The following JAKMIP1 variants were observed in gnomAD, a reference collection of about 807,000 sequenced individuals.
JAKMIP1 encodes the protein janus kinase and microtubule-interacting protein 1.
A neutral mutation model predicts 113.0 loss-of-function variants in JAKMIP1; 33 were observed. That is an observed-to-expected ratio of 0.29 (90% CI 0.22 to 0.39). The LOEUF (loss-of-function observed/expected upper bound fraction) is 0.39. Among genes scored for constraint, JAKMIP1 ranks in the 10% least tolerant of loss-of-function variants. The pLI, the probability that JAKMIP1 is intolerant of heterozygous loss-of-function variation, is 1.00. For missense variants in JAKMIP1, 813 were observed against 1,080.5 expected (o/e 0.75, Z 3.47); for synonymous variants, 480 against 459.9 (o/e 1.04, Z -0.56).
Position 6,183,506 on chromosome 4 carries a change from A to AAATAAATAAATAAATAAATAAATT in JAKMIP1, c.-148+16746_-148+16747insAATTTATTTATTTATTTATTTATT, listed in dbSNP as rs1239214147. Among the ~76,000 whole-genome samples, 96 of 151,270 alleles carry AAATAAATAAATAAATAAATAAATT rather than the reference A, an allele frequency of 6.3e-4. No individual in the cohort carries two copies. Among genetic ancestry groups the AAATAAATAAATAAATAAATAAATT allele is most frequent in the East Asian group, 5.6e-3 (29 of 5,166 alleles). On this transcript the variant is annotated intron_variant, in intron 1 of 20. Transcript: ENST00000409021. The surrounding 1 kb of genome is among the most constrained non-coding windows in gnomAD (Gnocchi z 5.3). ...TAAATAAATAAATAAATAAATAAAT[A>AAATAAATAAATAAATAAATAAATT]AATTTAAAAAAGAAAGTAAAATGGA...
rs1726426507 is a variant in JAKMIP1, at chr4:6,184,597, T to C, written c.-148+15656A>G. Among the ~76,000 whole-genome samples the C allele has an allele frequency of 6.6e-6, 1 of 152,170 alleles. No homozygotes were observed. Among genetic ancestry groups the C allele is most frequent in the Non-Finnish European group, 1.5e-5 (1 of 68,016 alleles). ...ACGGGAAGAGCTGCTGTCTGCACTCTAGGAAACAAGGGTCCCCCGCGCTCA... is the reference window on the plus strand; with the variant it reads ...ACGGGAAGAGCTGCTGTCTGCACTCCAGGAAACAAGGGTCCCCCGCGCTCA... On this transcript the variant is annotated intron_variant, in intron 1 of 20. Transcript: ENST00000409021. This position sits in a 1 kb window ranked among gnomAD's most constrained non-coding sequence, Gnocchi z 4.5.
chr4:6,043,595 C>A (rs59609222), intron 16 of JAKMIP1, among the ~76,000 whole-genome samples: 21,475 of 151,684 alleles, frequency 0.14, 2,682 homozygotes, highest in African/African-American at 0.34. Flanking sequence ...GGGAAGAGTG[C>A]CCCCTCCTTC....
intron 8 of JAKMIP1, among the ~76,000 whole-genome samples, chr4:6,074,177 G>A (rs1719370420): frequency 6.6e-6 from 1 of 152,248 alleles, no homozygotes; most frequent in Non-Finnish European, 1.5e-5. Context: ...CAGAGTCATG[G>A]CCCTCAGGGA....
intron 1 of JAKMIP1, among the ~76,000 whole-genome samples, chr4:6,117,794 A>C (rs1484680973): frequency 6.6e-6 from 1 of 152,186 alleles, no homozygotes; most frequent in East Asian, 1.9e-4. Context: ...CATGCTGAGA[A>C]AAGGAATTCA....
At chr4:6,114,276 C>T (rs927015097) in intron 1 of JAKMIP1, among the ~76,000 whole-genome samples, 2 of 152,142 alleles carry the variant, frequency 1.3e-5, no homozygotes, top group Admixed American at 6.5e-5. Flanking sequence ...AGAGAAAGCA[C>T]CAGGGAGGCT....
chr4:6,032,268 C>A (rs575620362), intron 19 of JAKMIP1, among the ~76,000 whole-genome samples: 2 of 152,198 alleles, frequency 1.3e-5, no homozygotes, highest in African/African-American at 4.8e-5. Flanking sequence ...CCAGGAACAA[C>A]TTCTGGGCTT....
chr4:6,104,406 C>T (rs1042166334), intron 3 of JAKMIP1, among the ~76,000 whole-genome samples: 3 of 152,130 alleles, frequency 2.0e-5, no homozygotes, highest in Non-Finnish European at 4.4e-5. Flanking sequence ...TGAATTGACC[C>T]TTTATTATTA....
intron 1 of JAKMIP1, among the ~76,000 whole-genome samples, chr4:6,196,656 T>C (rs1727877213): frequency 1.3e-5 from 2 of 152,052 alleles, no homozygotes; most frequent in African/African-American, 2.4e-5. Context: ...GTCAGGAGTT[T>C]GAGACCAGCC....
Position 6,060,433 on chromosome 4 carries a change from C to T in JAKMIP1, c.1635G>A (p.Glu545=). The part of the protein sequence containing the change: ...KIEDLEKLLV[E]KGQDSKWVEE... The stretch of plus-strand genomic sequence containing the variant: ...GATCACTCCTGCTCACCTGTCCCTT[C>T]TCAACCAGTAACTTCTCCAAATCTT... Residue 545 remains glutamate (E), a synonymous_variant, in exon 11 of 21, where the codon GAG becomes GAA. Transcript: ENST00000409021. The T allele has an allele frequency of 1.2e-6, 2 of 1,613,174 alleles. No homozygotes were observed. The highest frequency in any genetic ancestry group is 1.1e-5 in the South Asian group (1 of 91,060).
chr4:6,034,371 G>A (rs1362698323), intron 19 of JAKMIP1, among the ~76,000 whole-genome samples: 1 of 152,130 alleles, frequency 6.6e-6, no homozygotes, highest in South Asian at 2.1e-4. Context: ...CAGTGTCTGT[G>A]TTTTCAGCTT....
chr4:6,057,856 C>T (rs544544219), intron 11 of JAKMIP1, among the ~76,000 whole-genome samples: 20 of 152,304 alleles, frequency 1.3e-4, no homozygotes, highest in African/African-American at 4.8e-4. Context: ...GGCTTGCCCC[C>T]AAACCATGGG....
In JAKMIP1 at chr4:6,168,700, G is replaced by A. The variant is rs1723959016; in HGVS notation, c.-148+31553C>T. On this transcript the variant is annotated intron_variant, in intron 1 of 20. Transcript: ENST00000409021. This position sits in a 1 kb window ranked among gnomAD's most constrained non-coding sequence, Gnocchi z 4.6. Reference sequence around the variant, plus strand: ...GAGTCCAAGAGTCCAAGACCAGCTTGGACAGGATGGCAAATCCATGTCTCT... The same window carrying A: ...GAGTCCAAGAGTCCAAGACCAGCTTAGACAGGATGGCAAATCCATGTCTCT... 6.6e-6 allele frequency among the ~76,000 whole-genome samples: 1 copy of A among 151,952 alleles called. No homozygotes were observed. Among genetic ancestry groups the A allele is most frequent in the Non-Finnish European group, 1.5e-5 (1 of 67,990 alleles).
At chr4:6,118,929 T>C (rs1716275501) in intron 1 of JAKMIP1, among the ~76,000 whole-genome samples, 1 of 152,196 alleles carries the variant, frequency 6.6e-6, no homozygotes, top group Admixed American at 6.5e-5. Flanking sequence ...CATCCTGCAG[T>C]AGGATGAAGT....
chr4:6,160,017 CAAG>C (rs1443792315), intron 1 of JAKMIP1, among the ~76,000 whole-genome samples: 7 of 152,118 alleles, frequency 4.6e-5, no homozygotes, highest in African/African-American at 1.7e-4. Flanking sequence ...AGGATTAAAG[CAAG>C]AAGGTGATTT....
intron 1 of JAKMIP1, among the ~76,000 whole-genome samples, chr4:6,170,091 C>T (rs540922983): frequency 0.14 from 260 of 1,822 alleles, 4 homozygotes; most frequent in South Asian, 0.27. Flanking sequence ...ACCACCACCG[C>T]CACGATCCCC....
rs1190950339 is a variant in JAKMIP1, at chr4:6,178,328, C to T, written c.-148+21925G>A. On this transcript the variant is annotated intron_variant, in intron 1 of 20. Transcript: ENST00000409021. The surrounding 1 kb of genome is among the most constrained non-coding windows in gnomAD (Gnocchi z 5.5). ...CCAAATCTCCTCTTGAATTGTAGTT[C>T]CCATAATCCCCATGTGTGGTGGGAG... Among the ~76,000 whole-genome samples, 1 of 152,108 alleles carries T rather than the reference C, an allele frequency of 6.6e-6. No individual in the cohort carries two copies. The highest frequency in any genetic ancestry group is 2.4e-5 in the African/African-American group (1 of 41,424).
rs929794101 is a variant in JAKMIP1, at chr4:6,179,064, T to G, written c.-148+21189A>C. Among the ~76,000 whole-genome samples, 1 of 152,214 alleles carries G rather than the reference T, an allele frequency of 6.6e-6. No homozygotes were observed. Among genetic ancestry groups the G allele is most frequent in the Non-Finnish European group, 1.5e-5 (1 of 68,044 alleles). ...GGAAAAAATAAAACTGGGCTATATGTCCAGAGAGTGGTTGGGGAAAGACTA... is the reference window on the plus strand; with the variant it reads ...GGAAAAAATAAAACTGGGCTATATGGCCAGAGAGTGGTTGGGGAAAGACTA... On this transcript the variant is annotated intron_variant, in intron 1 of 20. Transcript: ENST00000409021. This position sits in a 1 kb window ranked among gnomAD's most constrained non-coding sequence, Gnocchi z 4.5.
rs1355823790 is a variant in JAKMIP1, at chr4:6,168,755, C to G, written c.-148+31498G>C. Reference sequence around the variant, plus strand: ...AAAAAAAACAAAACACAAAAATTAGCCAGGCCTGGTGGCATGCCCCTGTGG... The same window carrying G: ...AAAAAAAACAAAACACAAAAATTAGGCAGGCCTGGTGGCATGCCCCTGTGG... On this transcript the variant is annotated intron_variant, in intron 1 of 20. Coordinates refer to ENST00000409021, the MANE Select transcript of JAKMIP1 (RefSeq NM_001099433.2). This position sits in a 1 kb window ranked among gnomAD's most constrained non-coding sequence, Gnocchi z 4.6. 6.6e-6 allele frequency among the ~76,000 whole-genome samples: 1 copy of G among 151,824 alleles called. No homozygotes were observed. The highest frequency in any genetic ancestry group is 2.4e-5 in the African/African-American group (1 of 41,318).
intron 1 of JAKMIP1, among the ~76,000 whole-genome samples, chr4:6,125,651 T>A: frequency 8.9e-6 from 1 of 112,528 alleles, no homozygotes; most frequent in Non-Finnish European, 1.7e-5. Flanking sequence ...ATACACACCA[T>A]GCAGAAACAC....
Sources: allele counts gnomAD v4.1 joint callset (sites outside exome capture counted in the v4.1 genomes callset), GRCh38; gene constraint gnomAD v4.1.1; non-coding constraint Gnocchi (gnomAD v3.1); transcripts MANE v1.5; gene names NCBI Gene and HGNC (gene_info 2026-07-23, HGNC 2026-07-21).